Variants in VPS8 observed in about 807,000 individuals in gnomAD.
VPS8 encodes the protein VPS8 subunit of CORVET complex.
A neutral mutation model predicts 216.4 loss-of-function variants in VPS8; 129 were observed. The ratio of observed to expected loss-of-function variants is 0.60; its 90% confidence interval spans 0.52 to 0.69. VPS8 has a LOEUF of 0.69. Ranked by LOEUF, VPS8 falls within the 30% of genes least tolerant of loss-of-function variation. The pLI is 0.00. For missense variants in VPS8, 1,531 were observed against 1,683.5 expected (o/e 0.91, Z 1.59); for synonymous variants, 571 against 565.4 (o/e 1.01, Z -0.14).
At chr3:184,978,972 G>T (rs971709643) in intron 40 of VPS8, among the ~76,000 whole-genome samples, 1 of 152,168 alleles carries the variant, frequency 6.6e-6, no homozygotes, top group Admixed American at 6.5e-5. Context: ...TGCTTTAGCT[G>T]TGTCCCAGAG....
chr3:184,918,440 A>G (rs1259835786), intron 28 of VPS8, among the ~76,000 whole-genome samples: 2 of 152,224 alleles, frequency 1.3e-5, no homozygotes, highest in African/African-American at 4.8e-5. Context: ...CCTCTAGTAA[A>G]CATCCATAAT....
intron 36 of VPS8, among the ~76,000 whole-genome samples, chr3:184,954,957 A>G (rs965392620): frequency 1.3e-5 from 2 of 152,188 alleles, no homozygotes; most frequent in African/African-American, 4.8e-5. Context: ...GTATAGGGTC[A>G]GGTGTTGACG....
At chr3:184,947,891 A>G (rs1202518503) in intron 36 of VPS8, among the ~76,000 whole-genome samples, 1 of 152,190 alleles carries the variant, frequency 6.6e-6, no homozygotes, top group East Asian at 1.9e-4. Flanking sequence ...GCACACTTTA[A>G]ACTTTTAATG....
At chr3:184,827,949 A>G (rs1334096460) in intron 3 of VPS8, among the ~76,000 whole-genome samples, 1 of 152,226 alleles carries the variant, frequency 6.6e-6, no homozygotes, top group Non-Finnish European at 1.5e-5. Flanking sequence ...GTAGACCATT[A>G]TGAAGACGAT....
intron 25 of VPS8, among the ~76,000 whole-genome samples, chr3:184,908,890 A>G (rs73051363): frequency 0.018 from 2,678 of 152,328 alleles, 32 homozygotes; most frequent in Middle Eastern, 0.037. Context: ...GGCAGGCTGT[A>G]GCAGTATTGG....
At chr3:184,969,876 C>T (rs1360197951) in intron 39 of VPS8, among the ~76,000 whole-genome samples, 1 of 146,670 alleles carries the variant, frequency 6.8e-6, no homozygotes, top group Non-Finnish European at 1.5e-5. Flanking sequence ...CAGAAATAGT[C>T]TCATGCCTGC....
Position 184,910,536 on chromosome 3 carries a change from G to T in VPS8, c.2147-2983G>T, listed in dbSNP as rs926210383. Among the ~76,000 whole-genome samples, 3 of 152,142 alleles carry T rather than the reference G, an allele frequency of 2.0e-5. No individual in the cohort carries two copies. The East Asian group carries it at 5.8e-4, about 29-fold the overall frequency. Reference sequence around the variant, plus strand: ...AGAGGGAGCTCCATTCTTGATCCTGGTTTTTTGTCTTTGACTAAGCTGCTT... The same window carrying T: ...AGAGGGAGCTCCATTCTTGATCCTGTTTTTTTGTCTTTGACTAAGCTGCTT... On this transcript the variant is annotated intron_variant, in intron 25 of 47. Transcript: ENST00000625842.
chr3:184,824,458 G>T, intron 1 of VPS8, 87 bp from the exon 2 acceptor site: 3 of 668,748 alleles, frequency 4.5e-6, no homozygotes, highest in Non-Finnish European at 4.9e-6. Context: ...ATCTGACCAA[G>T]TAAGTCTTTG....
At chr3:184,907,830 T>C (rs1220667580) in intron 25 of VPS8, among the ~76,000 whole-genome samples, 1 of 152,238 alleles carries the variant, frequency 6.6e-6, no homozygotes, top group African/African-American at 2.4e-5. Context: ...TTCAGTTCTT[T>C]GGCAGGCAGT....
intron 36 of VPS8, among the ~76,000 whole-genome samples, chr3:184,943,850 C>T (rs1321179342): frequency 6.6e-6 from 1 of 152,146 alleles, no homozygotes; most frequent in East Asian, 1.9e-4. Flanking sequence ...GCCTGTAATC[C>T]CAGTACTTTG....
intron 28 of VPS8, 48 bp from the exon 29 acceptor site, chr3:184,920,079 A>T: frequency 8.0e-7 from 1 of 1,242,474 alleles, no homozygotes; most frequent in Non-Finnish European, 1.1e-6. Context: ...GTTTTCTTCT[A>T]CATGTGCAAA....
intron 45 of VPS8, among the ~76,000 whole-genome samples, chr3:185,002,416 C>T (rs1169008502): frequency 6.6e-6 from 1 of 152,164 alleles, no homozygotes; most frequent in Non-Finnish European, 1.5e-5. Context: ...TCTCGAGCAT[C>T]AAGAAAGGTT....
At chr3:185,035,632 A>G (rs1366505639) in intron 46 of VPS8, among the ~76,000 whole-genome samples, 1 of 152,226 alleles carries the variant, frequency 6.6e-6, no homozygotes, top group Non-Finnish European at 1.5e-5. Flanking sequence ...GCCATCTTTG[A>G]CAAATGCACA....
At chr3:184,824,961 A>G (rs1190847239) in intron 2 of VPS8, 176 bp downstream of exon 2, 1 of 638,376 alleles carries the variant, frequency 1.6e-6, no homozygotes, top group South Asian at 1.7e-5. Context: ...GTTGGAGTAC[A>G]GTGGTGCAAA....
At chr3:184,914,267 A>T (rs1737104232) in intron 26 of VPS8, among the ~76,000 whole-genome samples, 1 of 152,184 alleles carries the variant, frequency 6.6e-6, no homozygotes, top group African/African-American at 2.4e-5. Context: ...GTGCTTTATC[A>T]TCTGTACCTT....
chr3:184,991,776 AG>A (rs1751933940), intron 42 of VPS8, among the ~76,000 whole-genome samples: 1 of 152,328 alleles, frequency 6.6e-6, no homozygotes, highest in East Asian at 1.9e-4. Flanking sequence ...GAAAATAAAA[AG>A]AAAAAAATGT....
At chr3:184,989,478 A>G (rs1011889956) in intron 42 of VPS8, among the ~76,000 whole-genome samples, 33 of 151,824 alleles carry the variant, frequency 2.2e-4, no homozygotes, top group African/African-American at 7.5e-4. Context: ...GTGTTGCCCA[A>G]GCAGGTCTCA....
At chr3:184,829,850 C>T (rs1408691707) in intron 3 of VPS8, among the ~76,000 whole-genome samples, 1 of 152,026 alleles carries the variant, frequency 6.6e-6, no homozygotes, top group Non-Finnish European at 1.5e-5. Context: ...TATAATTAGC[C>T]CACTTCTGTC....
At chr3:184,903,968 C>G (rs1735033270) in intron 25 of VPS8, among the ~76,000 whole-genome samples, 1 of 151,894 alleles carries the variant, frequency 6.6e-6, no homozygotes, top group Non-Finnish European at 1.5e-5. Flanking sequence ...TCATATACTC[C>G]TTTTCCTCCT....
Sources: gnomAD v4.1 joint callset for allele counts (sites outside exome capture counted in the v4.1 genomes callset) on GRCh38, gnomAD v4.1.1 for gene constraint, MANE v1.5 for transcripts, NCBI Gene and HGNC (gene_info 2026-07-23, HGNC 2026-07-21) for gene names.